The following SORCS3 variants were observed in gnomAD, a reference collection of about 807,000 sequenced individuals.
SORCS3 encodes the protein VPS10 domain-containing receptor SorCS3.
A neutral mutation model predicts 146.3 loss-of-function variants in SORCS3; 57 were observed. That is an observed-to-expected ratio of 0.39 (90% CI 0.31 to 0.49). The LOEUF (loss-of-function observed/expected upper bound fraction) is 0.49, where lower values mean the gene tolerates loss of function less well. Ranked by LOEUF, SORCS3 falls within the 20% of genes least tolerant of loss-of-function variation. The probability of loss-of-function intolerance (pLI) is 0.92; values close to 1 mark genes in which losing one functional copy is unlikely to be tolerated. For synonymous variants in SORCS3, 653 were observed against 618.5 expected (o/e 1.06, Z -0.83); for missense variants, 1,341 against 1,575.5 (o/e 0.85, Z 2.52).
intron 1 of SORCS3, among the ~76,000 whole-genome samples, chr10:104,798,203 C>T (rs566048708): frequency 2.0e-5 from 3 of 152,282 alleles, no homozygotes; most frequent in East Asian, 1.9e-4. Flanking sequence ...CTCTAAGGTA[C>T]AGCTCTGGGG....
intron 1 of SORCS3, among the ~76,000 whole-genome samples, chr10:104,703,711 GTTTTT>G (rs11338927): frequency 7.4e-6 from 1 of 135,426 alleles, no homozygotes; most frequent in Non-Finnish European, 1.5e-5. Flanking sequence ...CATGTATCCT[GTTTTT>G]TTTTTTTTTT....
intron 14 of SORCS3, among the ~76,000 whole-genome samples, chr10:105,188,342 T>TA (rs1411368688): frequency 1.3e-5 from 2 of 152,142 alleles, no homozygotes; most frequent in Admixed American, 1.3e-4. Context: ...AATGACATTT[T>TA]AAAAAATCAT....
At chr10:104,774,183 C>T (rs2017282933) in intron 1 of SORCS3, among the ~76,000 whole-genome samples, 1 of 152,136 alleles carries the variant, frequency 6.6e-6, no homozygotes, top group African/African-American at 2.4e-5. Flanking sequence ...CAGTCATCAC[C>T]CCTGACTTCC....
At chr10:104,979,297 C>T (rs1488062421) in intron 4 of SORCS3, among the ~76,000 whole-genome samples, 2 of 152,118 alleles carry the variant, frequency 1.3e-5, no homozygotes, top group Admixed American at 6.5e-5. Flanking sequence ...ATTTGATCAA[C>T]TTATACTTAA....
intron 10 of SORCS3, among the ~76,000 whole-genome samples, chr10:105,157,571 A>G (rs2056222599): frequency 6.6e-6 from 1 of 152,232 alleles, no homozygotes; most frequent in African/African-American, 2.4e-5. Context: ...GGTCCCAGGC[A>G]CAGCTCAGTA....
chr10:104,865,697 C>T (rs2018451977), intron 2 of SORCS3, among the ~76,000 whole-genome samples: 1 of 152,126 alleles, frequency 6.6e-6, no homozygotes, highest in Admixed American at 6.5e-5. Flanking sequence ...CCGGGAGAAA[C>T]CCGTGAGTCT....
At chr10:104,929,669 C>G (rs1589553502) in intron 3 of SORCS3, among the ~76,000 whole-genome samples, 1 of 152,208 alleles carries the variant, frequency 6.6e-6, no homozygotes, top group South Asian at 2.1e-4. Context: ...GACACAGGCT[C>G]TAAGCCTATC....
At chr10:104,708,214 A>G (rs1451405825) in intron 1 of SORCS3, among the ~76,000 whole-genome samples, 1 of 152,128 alleles carries the variant, frequency 6.6e-6, no homozygotes, top group Non-Finnish European at 1.5e-5. Flanking sequence ...CCATCTTGCA[A>G]ATTTGCAGCT....
intron 2 of SORCS3, among the ~76,000 whole-genome samples, chr10:104,870,063 G>T (rs1307343054): frequency 6.6e-6 from 1 of 152,150 alleles, no homozygotes; most frequent in Non-Finnish European, 1.5e-5. Flanking sequence ...CTCTAGAAAT[G>T]CTCTCTATTG....
intron 1 of SORCS3, among the ~76,000 whole-genome samples, chr10:104,769,758 C>G (rs1364604436): frequency 6.6e-6 from 1 of 152,068 alleles, no homozygotes; most frequent in Non-Finnish European, 1.5e-5. Context: ...GCTTAAGTGT[C>G]CCCTCTCTGT....
intron 1 of SORCS3, among the ~76,000 whole-genome samples, chr10:104,751,037 A>G (rs1449031439): frequency 3.3e-5 from 5 of 152,188 alleles, no homozygotes; most frequent in African/African-American, 1.2e-4. Flanking sequence ...ATTGGAAGAC[A>G]TACAAGAGAG....
intron 1 of SORCS3, among the ~76,000 whole-genome samples, chr10:104,792,726 T>C (rs1157144319): frequency 1.3e-5 from 2 of 152,220 alleles, no homozygotes; most frequent in African/African-American, 4.8e-5. Flanking sequence ...ATAAAACTTA[T>C]GACTTGGATT....
intron 20 of SORCS3, among the ~76,000 whole-genome samples, chr10:105,239,603 G>A (rs2056811614): frequency 2.0e-5 from 3 of 152,128 alleles, no homozygotes; most frequent in African/African-American, 7.2e-5. Flanking sequence ...CACAGCCTAG[G>A]CAGGGCATGA....
intron 5 of SORCS3, among the ~76,000 whole-genome samples, chr10:105,046,661 G>GCATCAATA (rs1289330818): frequency 6.6e-6 from 1 of 152,100 alleles, no homozygotes; most frequent in Admixed American, 6.6e-5. Context: ...ATATTCATTA[G>GCATCAATA]CATCAATACT....
At chr10:105,035,464 GTTT>G (rs58969291) in intron 4 of SORCS3, among the ~76,000 whole-genome samples, 1 of 141,192 alleles carries the variant, frequency 7.1e-6, no homozygotes, top group African/African-American at 2.6e-5. Context: ...TTCTCACCAA[GTTT>G]TTTTTTTTTT....
At position 105,014,074 on chromosome 10, in the gene SORCS3, T is replaced by TATACACAC. The variant is rs1564734889; in HGVS notation, c.955-28978_955-28977insCACACATA. On this transcript the variant is annotated intron_variant, in intron 4 of 26. Transcript: ENST00000369701. ...CAGCACAGATCTAAATATACATATA[T>TATACACAC]ATATATATACACACATATATATACA... is the stretch of plus-strand genomic sequence containing the variant. 9.0e-5 allele frequency among the ~76,000 whole-genome samples: 9 copies of TATACACAC among 99,774 alleles called. No individual in the cohort carries two copies. In the South Asian group the frequency reaches 1.2e-3, roughly 13 times the overall value. The allele number at this position is 99,774 out of a possible 152,430, so 65.5% of individuals were successfully genotyped here. A position where few individuals can be genotyped will look rare whatever the true frequency, so the allele number is the denominator to read the frequency against.
intron 1 of SORCS3, among the ~76,000 whole-genome samples, chr10:104,841,287 A>T (rs935151323): frequency 6.6e-6 from 1 of 152,174 alleles, no homozygotes; most frequent in Non-Finnish European, 1.5e-5. Context: ...TGGTAATAAG[A>T]CAGGTAGCTT....
At chr10:105,070,910 A>G (rs1295932093) in intron 5 of SORCS3, among the ~76,000 whole-genome samples, 1 of 152,202 alleles carries the variant, frequency 6.6e-6, no homozygotes, top group East Asian at 1.9e-4. Flanking sequence ...TTGTACAGAA[A>G]AAGTTTAGTT....
intron 7 of SORCS3, among the ~76,000 whole-genome samples, chr10:105,116,190 A>T (rs1436859953): frequency 6.6e-6 from 1 of 152,204 alleles, no homozygotes; most frequent in Non-Finnish European, 1.5e-5. Context: ...CTTTGTATGG[A>T]GCATACTCCA....
Sources: allele counts gnomAD v4.1 joint callset (sites outside exome capture counted in the v4.1 genomes callset), GRCh38; gene constraint gnomAD v4.1.1; transcripts MANE v1.5; gene names NCBI Gene and HGNC (gene_info 2026-07-23, HGNC 2026-07-21).